ITGA8: variants seen among roughly 807,000 people sequenced by gnomAD.
ITGA8 encodes the protein integrin alpha-8.
Under a neutral mutation model 142.3 loss-of-function variants are expected in ITGA8, and 91 were observed. That is an observed-to-expected ratio of 0.64 (90% CI 0.54 to 0.76). ITGA8 has a LOEUF of 0.76. Among genes scored for constraint, ITGA8 ranks in the 30% least tolerant of loss-of-function variants. The pLI is 0.00. For synonymous variants in ITGA8, 505 were observed against 485.2 expected, an observed-to-expected ratio of 1.04 and a Z score of -0.54; for missense variants, 1,406 against 1,327.7, an observed-to-expected ratio of 1.06 and a Z score of -0.92.
chr10:15,606,323 T>G lies in ITGA8; in HGVS notation c.1864A>C (p.Ile622Leu). The G allele has an allele frequency of 6.2e-7, 1 of 1,612,274 alleles. No individual in the cohort carries two copies. Among genetic ancestry groups the G allele is most frequent in the Non-Finnish European group, 8.5e-7 (1 of 1,178,482 alleles). ...TFKEGLEVKP[I>L]LNYYRENIVS... is the part of the protein sequence containing the mutation. ...ATGTTTTCTCTGTAGTAGTTCAATATTGGTTTCACTTCCAGGCCTTCTTTA... is the reference window on the plus strand; with the variant it reads ...ATGTTTTCTCTGTAGTAGTTCAATAGTGGTTTCACTTCCAGGCCTTCTTTA... The change falls in exon 18 of 30, where the codon ATA (isoleucine) becomes CTA (leucine). Residue 622 changes from isoleucine (I) to leucine (L), a missense_variant. Ile to Leu is a conservative substitution (Grantham distance 5). Transcript: ENST00000378076.
At chr10:15,591,065 A>T (rs1832912824) in intron 22 of ITGA8, among the ~76,000 whole-genome samples, 1 of 152,198 alleles carries the variant, frequency 6.6e-6, no homozygotes, top group East Asian at 1.9e-4. Flanking sequence ...TAGCTATTTA[A>T]AAATTAATCC....
chr10:15,696,657 A>G (rs929498242), intron 2 of ITGA8, among the ~76,000 whole-genome samples: 2 of 152,118 alleles, frequency 1.3e-5, no homozygotes, highest in African/African-American at 4.8e-5. Context: ...TCCTAATTTT[A>G]TATGTATATT....
chr10:15,525,413 T>G (rs1357587178), intron 28 of ITGA8, among the ~76,000 whole-genome samples: 1 of 151,770 alleles, frequency 6.6e-6, no homozygotes, highest in Non-Finnish European at 1.5e-5. Context: ...GAGACCTAGG[T>G]GAGCGGATCA....
chr10:15,713,753 C>A (rs1317986159), intron 2 of ITGA8, among the ~76,000 whole-genome samples: 2 of 152,172 alleles, frequency 1.3e-5, no homozygotes, highest in African/African-American at 2.4e-5. Flanking sequence ...ACAGACCCCC[C>A]AAAACAAAGG....
intron 8 of ITGA8, among the ~76,000 whole-genome samples, chr10:15,668,559 A>G (rs1357132629): frequency 3.3e-5 from 5 of 152,044 alleles, no homozygotes; most frequent in Non-Finnish European, 7.4e-5. Context: ...TGATCCTGTC[A>G]TTATGATGTT....
Position 15,718,789 on chromosome 10 carries a change from C to T in ITGA8, c.320G>A (p.Arg107Lys). Residue 107 changes from arginine to lysine, a missense_variant, in exon 2 of 30, where the codon AGG becomes AAG. By Grantham distance (26) the Arg-to-Lys change is conservative. Transcript: ENST00000378076. The part of the protein sequence containing the change: ...PWPAEGSAQC[R>K]QIPFDTTNNR... Reference sequence around the variant, plus strand: ...ACTGGTGGTGTCAAACGGTATCTGCCTGCACTGCGCAGACCCCTCCGCGGG... The same window carrying T: ...ACTGGTGGTGTCAAACGGTATCTGCTTGCACTGCGCAGACCCCTCCGCGGG... 2.5e-6 allele frequency: 4 copies of T among 1,614,164 alleles called. No homozygotes were observed. Among genetic ancestry groups the T allele is most frequent in the Non-Finnish European group, 3.4e-6 (4 of 1,180,020 alleles).
At position 15,519,398 on chromosome 10, in the gene ITGA8, A is replaced by G. The variant is rs1199474665; in HGVS notation, c.2997T>C (p.Val999=). ...AGGAAACATTCGGAGTTGCCCAAATAACTGATGTCTTAATCTGAAATGGAA... is the reference window on the plus strand; with the variant it reads ...AGGAAACATTCGGAGTTGCCCAAATGACTGATGTCTTAATCTGAAATGGAA... ...PEGSIVIKTS[V]IWATPNVSFS... The change falls in exon 29 of 30, where the codon GTT becomes GTC. Residue 999 remains valine, a synonymous_variant. Transcript: ENST00000378076. 2.5e-6 allele frequency: 4 copies of G among 1,613,666 alleles called. No individual in the cohort carries two copies. The highest frequency in any genetic ancestry group is 3.4e-6 in the Non-Finnish European group (4 of 1,179,794).
chr10:15,588,229 G>A (rs1318926234), intron 22 of ITGA8, among the ~76,000 whole-genome samples: 1 of 152,148 alleles, frequency 6.6e-6, no homozygotes, highest in African/African-American at 2.4e-5. Flanking sequence ...CGGCAGAATT[G>A]TTCCCATGAT....
chr10:15,630,671 G>A (rs190649353), intron 13 of ITGA8, among the ~76,000 whole-genome samples: 6 of 152,036 alleles, frequency 3.9e-5, no homozygotes, highest in Admixed American at 3.3e-4. Flanking sequence ...GATGCATCAG[G>A]TGAATGACCT....
chr10:15,635,887 C>T lies in ITGA8; in HGVS notation c.1399+8143G>A, dbSNP rs186862056. Among the ~76,000 whole-genome samples the T allele has an allele frequency of 4.3e-3, 642 of 150,314 alleles. 3 individuals are homozygous for T. The highest frequency in any genetic ancestry group is 0.015 in the African/African-American group (596 of 41,092). On this transcript the variant is annotated intron_variant, in intron 13 of 29. Coordinates refer to ENST00000378076, the MANE Select transcript of ITGA8 (RefSeq NM_003638.3). ...CCTTTGGATAAAGCCTCCTTCCATG[C>T]GCAGGTTCTGTGTTACTTGTTTGCT...
At chr10:15,644,439 T>C (rs1271273167) in intron 12 of ITGA8, among the ~76,000 whole-genome samples, 219 of 562 alleles carry the variant, frequency 0.39, 3 homozygotes, top group Non-Finnish European at 0.43. Context: ...GGCTAATATA[T>C]ATATATATAT....
At chr10:15,644,772 C>T (rs571089683) in intron 12 of ITGA8, among the ~76,000 whole-genome samples, 107 of 151,554 alleles carry the variant, frequency 7.1e-4, no homozygotes, top group South Asian at 2.1e-3. Context: ...TTATTTGTTG[C>T]CTTTTATCCA....
rs577414078 is a variant in ITGA8 at position 15,527,648 on chromosome 10, C to T, written c.2982+3402G>A. On this transcript the variant is annotated intron_variant, in intron 28 of 29. Coordinates refer to ENST00000378076, the MANE Select transcript of ITGA8 (RefSeq NM_003638.3). The stretch of plus-strand genomic sequence containing the variant: ...ACACAGATACTATGCAAGCAGCAAA[C>T]GGGAATTGTGATTCTCTTCCATAAG... Among the ~76,000 whole-genome samples the T allele has an allele frequency of 1.1e-4, 17 of 152,196 alleles. 1 individual carries two copies. In the Middle Eastern group the frequency reaches 0.014, roughly 122 times the overall value.
chr10:15,520,007 A>G (rs1018368707), intron 28 of ITGA8, among the ~76,000 whole-genome samples: 3 of 152,214 alleles, frequency 2.0e-5, no homozygotes, highest in South Asian at 2.1e-4. Flanking sequence ...TGTATCAGTG[A>G]AGGATATCCC....
At chr10:15,579,275 C>T (rs1246987680) in intron 23 of ITGA8, among the ~76,000 whole-genome samples, 1 of 152,084 alleles carries the variant, frequency 6.6e-6, no homozygotes, top group Non-Finnish European at 1.5e-5. Context: ...ATTAAAGTAG[C>T]TGCTTTCGTA....
intron 24 of ITGA8, 57 bp downstream of exon 24, chr10:15,575,432 T>C (rs1486641786): frequency 8.6e-7 from 1 of 1,163,652 alleles, no homozygotes; most frequent in Non-Finnish European, 1.3e-6. Flanking sequence ...ATAGAATTTA[T>C]TTGCACAGAG....
chr10:15,555,011 G>A (rs956548825), intron 26 of ITGA8, among the ~76,000 whole-genome samples: 3 of 152,120 alleles, frequency 2.0e-5, no homozygotes, highest in Non-Finnish European at 2.9e-5. Flanking sequence ...TCAATTTCTT[G>A]AGCACTGATT....
intron 13 of ITGA8, among the ~76,000 whole-genome samples, chr10:15,624,831 T>G (rs1209036436): frequency 2.6e-5 from 4 of 152,178 alleles, no homozygotes; most frequent in African/African-American, 9.7e-5. Context: ...CGAGATAATG[T>G]GTCCAATGGT....
At chr10:15,683,442 G>A (rs748943687) in intron 4 of ITGA8, among the ~76,000 whole-genome samples, 52 of 152,130 alleles carry the variant, frequency 3.4e-4, no homozygotes, top group Admixed American at 4.6e-4. Flanking sequence ...AGACTGCTTG[G>A]CTGCAAGATT....
Sources: gnomAD v4.1 joint callset for allele counts (sites outside exome capture counted in the v4.1 genomes callset) on GRCh38, gnomAD v4.1.1 for gene constraint, MANE v1.5 for transcripts, NCBI Gene and HGNC (gene_info 2026-07-23, HGNC 2026-07-21) for gene names.